The following PTPN4 variants were observed in gnomAD, a reference collection of about 807,000 sequenced individuals.
PTPN4 encodes the protein protein tyrosine phosphatase non-receptor type 4, also known as tyrosine-protein phosphatase non-receptor type 4.
Under a neutral mutation model 135.5 loss-of-function variants are expected in PTPN4, and 49 were observed. The ratio of observed to expected loss-of-function variants is 0.36; its 90% confidence interval spans 0.29 to 0.46. PTPN4 has a LOEUF of 0.46. Among genes scored for constraint, PTPN4 ranks in the 20% least tolerant of loss-of-function variants. The pLI, the probability that PTPN4 is intolerant of heterozygous loss-of-function variation, is 1.00. For missense variants in PTPN4, 860 were observed against 1,101.0 expected (o/e 0.78, Z 3.10); for synonymous variants, 333 against 369.9 (o/e 0.90, Z 1.14).
chr2:119,776,288 G>T (rs898313595), intron 1 of PTPN4, among the ~76,000 whole-genome samples: 1 of 152,116 alleles, frequency 6.6e-6, no homozygotes, highest in African/African-American at 2.4e-5. Context: ...CCATTCTCCT[G>T]CCTCAGCCTC....
chr2:119,881,268 C>T (rs1678073556), intron 5 of PTPN4, among the ~76,000 whole-genome samples: 1 of 152,214 alleles, frequency 6.6e-6, no homozygotes, highest in South Asian at 2.1e-4. Flanking sequence ...AGAGAGACTT[C>T]CTTAATTCAC....
chr2:119,762,343 T>A (rs1690523566), intron 1 of PTPN4, among the ~76,000 whole-genome samples: 1 of 150,386 alleles, frequency 6.6e-6, no homozygotes, highest in Non-Finnish European at 1.5e-5. Flanking sequence ...CTTTTCAGCT[T>A]TTTTTTTTAA....
chr2:119,818,303 T>C (rs1445521214), intron 2 of PTPN4, among the ~76,000 whole-genome samples: 1 of 152,230 alleles, frequency 6.6e-6, no homozygotes, highest in Non-Finnish European at 1.5e-5. Flanking sequence ...TCAGTCACTT[T>C]CCCCTGCTTT....
chr2:119,937,819 T>G (rs1318806490), intron 15 of PTPN4, among the ~76,000 whole-genome samples: 2 of 152,114 alleles, frequency 1.3e-5, no homozygotes. Context: ...TTGTCCCAGC[T>G]TACTCAGGAG....
At chr2:119,889,101 T>C (rs1053674632) in intron 9 of PTPN4, among the ~76,000 whole-genome samples, 4 of 152,142 alleles carry the variant, frequency 2.6e-5, no homozygotes, top group Non-Finnish European at 5.9e-5. Flanking sequence ...GGTTTCCCAG[T>C]TTGTCAGCTT....
chr2:119,888,177 T>C (rs1176159925), intron 9 of PTPN4, among the ~76,000 whole-genome samples: 1 of 152,214 alleles, frequency 6.6e-6, no homozygotes, highest in Non-Finnish European at 1.5e-5. Context: ...TATTGATGTA[T>C]AGAAGTGCTG....
chr2:119,926,792 C>A, intron 13 of PTPN4, 126 bp downstream of exon 13: 1 of 677,190 alleles, frequency 1.5e-6, no homozygotes, highest in Non-Finnish European at 2.5e-6. Context: ...ACAGAATTAT[C>A]ACAATTCTTT....
At chr2:119,857,114 T>C (rs534403909) in intron 2 of PTPN4, among the ~76,000 whole-genome samples, 22 of 152,086 alleles carry the variant, frequency 1.4e-4, no homozygotes, top group African/African-American at 5.3e-4. Flanking sequence ...GAGACAGTCT[T>C]ACTCTGTCAC....
Position 119,983,779 on chromosome 2 carries a change from G to A in PTPN4, c.*6709G>A, listed in dbSNP as rs1172268077. 1 of 152,144 alleles carries A rather than the reference G, an allele frequency of 6.6e-6. No individual in the cohort carries two copies. Among genetic ancestry groups the A allele is most frequent in the African/African-American group, 2.4e-5 (1 of 41,432 alleles). 9.4% of individuals were successfully genotyped at this position (152,144 alleles called of 1,614,324 possible). A position where few individuals can be genotyped will look rare whatever the true frequency, so the allele number is the denominator to read the frequency against. ...GCTTTGCAGGTTTTCTGTAATTTAT[G>A]TAGCACAATAAAGGATAACCAGTTG... On this transcript the variant is annotated 3_prime_UTR_variant, in exon 27 of 27. Coordinates refer to ENST00000263708, the MANE Select transcript of PTPN4 (RefSeq NM_002830.4).
In PTPN4 at chr2:119,862,673, A is replaced by T. The variant is rs759596184; in HGVS notation, c.246+30A>T. On this transcript the variant is annotated intron_variant, in intron 3 of 26. Coordinates refer to ENST00000263708, the MANE Select transcript of PTPN4 (RefSeq NM_002830.4). ...GTGTAAGATTTTGTCTTTCATTTTCATTTAGTTTTTCCTCTCAGTTTAGTG... is the reference window on the plus strand; with the variant it reads ...GTGTAAGATTTTGTCTTTCATTTTCTTTTAGTTTTTCCTCTCAGTTTAGTG... 7 of 1,553,960 alleles carry T rather than the reference A, an allele frequency of 4.5e-6. 1 individual carries two copies. Among genetic ancestry groups the T allele is most frequent in the Admixed American group, 1.7e-5 (1 of 58,494 alleles).
Position 119,760,050 on chromosome 2 carries a change from C to G in PTPN4, c.-352C>G. ...GGGCCTGAGCGGGAGAGGAAAGAGA[C>G]TTGGCTTTGGCCGCGGGGTCGGAGG... is the stretch of plus-strand genomic sequence containing the variant. On this transcript the variant is annotated 5_prime_UTR_variant, in exon 1 of 27. Transcript: ENST00000263708. 1 of 383,682 alleles carries G rather than the reference C, an allele frequency of 2.6e-6. No individual in the cohort carries two copies. Among genetic ancestry groups the G allele is most frequent in the Non-Finnish European group, 4.6e-6 (1 of 216,952 alleles). The allele number at this position is 383,682 out of a possible 1,614,324, so 23.8% of individuals were successfully genotyped here.
At chr2:119,821,826 G>A (rs977889548) in intron 2 of PTPN4, among the ~76,000 whole-genome samples, 2 of 152,086 alleles carry the variant, frequency 1.3e-5, no homozygotes, top group Non-Finnish European at 2.9e-5. Context: ...TTGATAGTTT[G>A]GGTAGAGAAT....
At chr2:119,800,369 G>A (rs1441853819) in intron 1 of PTPN4, among the ~76,000 whole-genome samples, 1 of 151,710 alleles carries the variant, frequency 6.6e-6, no homozygotes, top group Admixed American at 6.6e-5. Context: ...TGTGCTTAAT[G>A]GCCATCTGAA....
At chr2:119,798,787 C>T (rs913672297) in intron 1 of PTPN4, among the ~76,000 whole-genome samples, 1 of 152,128 alleles carries the variant, frequency 6.6e-6, no homozygotes, top group Non-Finnish European at 1.5e-5. Context: ...GGTAGGTTCT[C>T]CAAATATACT....
chr2:119,879,478 A>AGT (rs1474922345), intron 5 of PTPN4, among the ~76,000 whole-genome samples: 1 of 152,188 alleles, frequency 6.6e-6, no homozygotes, highest in Non-Finnish European at 1.5e-5. Flanking sequence ...TTACTACCAT[A>AGT]GTGTATATCA....
intron 5 of PTPN4, among the ~76,000 whole-genome samples, chr2:119,879,089 T>C (rs1478357185): frequency 7.5e-6 from 1 of 133,750 alleles, no homozygotes; most frequent in African/African-American, 2.9e-5. Flanking sequence ...TGAGACTCCG[T>C]CTGAAAAAAA....
intron 19 of PTPN4, among the ~76,000 whole-genome samples, chr2:119,954,035 T>TA (rs1679245969): frequency 6.6e-6 from 1 of 152,230 alleles, no homozygotes; most frequent in South Asian, 2.1e-4. Context: ...TTTCCATTCT[T>TA]AAAGTTTCAT....
At chr2:119,848,153 AT>A (rs1307130641) in intron 2 of PTPN4, among the ~76,000 whole-genome samples, 106 of 125,048 alleles carry the variant, frequency 8.5e-4, no homozygotes, top group African/African-American at 1.9e-3. Context: ...CCACATTTCT[AT>A]TTTTTTTTTC....
chr2:119,826,171 G>A (rs1347871111), intron 2 of PTPN4, among the ~76,000 whole-genome samples: 1 of 152,046 alleles, frequency 6.6e-6, no homozygotes, highest in African/African-American at 2.4e-5. Context: ...AGACTGCCTT[G>A]GCCTCATTAA....
Sources: gnomAD v4.1 joint callset for allele counts (sites outside exome capture counted in the v4.1 genomes callset) on GRCh38, gnomAD v4.1.1 for gene constraint, MANE v1.5 for transcripts, NCBI Gene and HGNC (gene_info 2026-07-23, HGNC 2026-07-21) for gene names.